Variants in RALY observed in about 807,000 individuals in gnomAD.
RALY encodes the protein RNA-binding protein Raly.
RALY carries 15 observed loss-of-function variants against 30.7 expected under a neutral mutation model. The ratio of observed to expected loss-of-function variants is 0.49; its 90% CI spans 0.33 to 0.75. The LOEUF (loss-of-function observed/expected upper bound fraction) is 0.75. Ranked by LOEUF, RALY falls within the 30% of genes least tolerant of loss-of-function variation. RALY has a pLI of 0.02. For synonymous variants in RALY, 177 were observed against 170.8 expected, an observed-to-expected ratio of 1.04 and a Z score of -0.28; for missense variants, 339 against 414.3, an observed-to-expected ratio of 0.82 and a Z score of 1.58.
At chr20:34,061,154 G>A (rs1020647465) in intron 2 of RALY, among the ~76,000 whole-genome samples, 1 of 152,150 alleles carries the variant, frequency 6.6e-6, no homozygotes, top group African/African-American at 2.4e-5. Flanking sequence ...GACTCTTCAG[G>A]AATATACCCC....
intron 2 of RALY, among the ~76,000 whole-genome samples, chr20:34,063,900 G>A (rs2033490412): frequency 6.6e-6 from 1 of 151,922 alleles, no homozygotes; most frequent in Admixed American, 6.6e-5. Context: ...CTTTGCTTGG[G>A]GAGTAGACCA....
chr20:34,078,759 C>T (rs935686100), intron 9 of RALY, among the ~76,000 whole-genome samples: 2 of 152,126 alleles, frequency 1.3e-5, no homozygotes, highest in African/African-American at 2.4e-5. Context: ...AAGCAGGTGC[C>T]GTAGATGGGC....
At chr20:34,018,204 G>A (rs2031679955) in intron 1 of RALY, among the ~76,000 whole-genome samples, 1 of 152,230 alleles carries the variant, frequency 6.6e-6, no homozygotes, top group South Asian at 2.1e-4. Context: ...GGTTGTAGTA[G>A]TAGCCATTGG....
In RALY at chr20:34,006,552, A is replaced by G. The variant is rs2031165727; in HGVS notation, c.-93+12421A>G. Among the ~76,000 whole-genome samples, 4 of 152,238 alleles carry G rather than the reference A, an allele frequency of 2.6e-5. 1 individual carries two copies. In the South Asian group the frequency reaches 8.3e-4, roughly 32 times the overall value. ...TCGTTTAATTTGTATGGTCCCTCCT[A>G]CAGTCACATGCTGCATAGAGATGTT... On this transcript the variant is annotated intron_variant, in intron 1 of 9. Transcript: ENST00000246194.
At chr20:34,070,886 T>C (rs1030610380) in intron 2 of RALY, among the ~76,000 whole-genome samples, 2 of 152,156 alleles carry the variant, frequency 1.3e-5, no homozygotes, top group African/African-American at 4.8e-5. Flanking sequence ...GTTTAATTGG[T>C]TCACAGTTCT....
At chr20:34,064,284 CAA>C (rs986326780) in intron 2 of RALY, among the ~76,000 whole-genome samples, 4 of 152,174 alleles carry the variant, frequency 2.6e-5, no homozygotes, top group South Asian at 2.1e-4. Flanking sequence ...AGGCCACAGA[CAA>C]GAGTAGAGTT....
At chr20:34,025,074 C>G (rs1194716878) in intron 1 of RALY, among the ~76,000 whole-genome samples, 1 of 152,172 alleles carries the variant, frequency 6.6e-6, no homozygotes, top group African/African-American at 2.4e-5. Context: ...CTTTTACTCC[C>G]TGTGTGTGGT....
At chr20:34,057,685 AC>A (rs1302803834) in intron 2 of RALY, among the ~76,000 whole-genome samples, 81 of 151,438 alleles carry the variant, frequency 5.3e-4, no homozygotes, top group Admixed American at 1.8e-3. Flanking sequence ...AAAAAAAAAA[AC>A]AACCTCTGAT....
intron 1 of RALY, among the ~76,000 whole-genome samples, chr20:34,010,432 C>T (rs865825960): frequency 6.6e-6 from 1 of 152,126 alleles, no homozygotes; most frequent in Non-Finnish European, 1.5e-5. Flanking sequence ...GGGTCTTGCT[C>T]TTTTACAAAC....
chr20:33,994,564 C>T (rs1384088026), intron 1 of RALY, among the ~76,000 whole-genome samples: 1 of 152,356 alleles, frequency 6.6e-6, no homozygotes, highest in Middle Eastern at 3.4e-3. Context: ...TCTCCTAACC[C>T]GGACTGGGTC....
At chr20:34,027,493 G>T (rs2032088694) in intron 1 of RALY, among the ~76,000 whole-genome samples, 1 of 152,204 alleles carries the variant, frequency 6.6e-6, no homozygotes, top group African/African-American at 2.4e-5. Context: ...TGAAGCTTCT[G>T]AGACAAACCC....
At chr20:34,070,554 A>G (rs1000487360) in intron 2 of RALY, among the ~76,000 whole-genome samples, 4 of 152,228 alleles carry the variant, frequency 2.6e-5, no homozygotes, top group Non-Finnish European at 4.4e-5. Flanking sequence ...ATTTATTAAA[A>G]ATAATTCTCA....
At chr20:34,056,363 C>T (rs570641774) in intron 2 of RALY, among the ~76,000 whole-genome samples, 1 of 152,304 alleles carries the variant, frequency 6.6e-6, no homozygotes, top group Admixed American at 6.5e-5. Flanking sequence ...CCCTTTCTTT[C>T]TGTCCCTTAG....
intron 1 of RALY, among the ~76,000 whole-genome samples, chr20:34,019,139 T>C (rs1437645390): frequency 6.6e-6 from 1 of 152,014 alleles, no homozygotes; most frequent in African/African-American, 2.4e-5. Flanking sequence ...CCTGGCCAAG[T>C]TGGTGAAACC....
chr20:34,017,144 C>T (rs139795080), intron 1 of RALY, among the ~76,000 whole-genome samples: 24 of 26,454 alleles, frequency 9.1e-4, no homozygotes, highest in African/African-American at 5.1e-3. Flanking sequence ...TAATGTGATG[C>T]TAGGTACATC....
intron 2 of RALY, among the ~76,000 whole-genome samples, chr20:34,058,140 C>T (rs2123203373): frequency 6.6e-6 from 1 of 152,024 alleles, no homozygotes; most frequent in Non-Finnish European, 1.5e-5. Flanking sequence ...GGGGGAAAGA[C>T]CATAGATACC....
chr20:34,023,211 AT>A (rs766702327), intron 1 of RALY, among the ~76,000 whole-genome samples: 3 of 152,238 alleles, frequency 2.0e-5, no homozygotes, highest in Non-Finnish European at 4.4e-5. Context: ...GAGGTAGGTG[AT>A]TTAATCACCA....
At chr20:34,076,933 T>G in intron 7 of RALY, 95 bp from the exon 8 acceptor site, 1 of 1,600,828 alleles carries the variant, frequency 6.2e-7, no homozygotes, top group Non-Finnish European at 8.5e-7. Context: ...CCACCTGCAC[T>G]CACCATGCTG....
intron 2 of RALY, among the ~76,000 whole-genome samples, chr20:34,049,477 A>G (rs966851076): frequency 3.3e-5 from 5 of 152,180 alleles, no homozygotes; most frequent in African/African-American, 1.2e-4. Context: ...GAACCCCTGT[A>G]GTAAAGGAAC....
Sources: gnomAD v4.1 joint callset for allele counts (sites outside exome capture counted in the v4.1 genomes callset) on GRCh38, gnomAD v4.1.1 for gene constraint, MANE v1.5 for transcripts, NCBI Gene and HGNC (gene_info 2026-07-23, HGNC 2026-07-21) for gene names.